The following LAMA2 variants were observed in gnomAD, a reference collection of about 807,000 sequenced individuals.
The protein encoded by LAMA2 is laminin subunit alpha 2.
Under a neutral mutation model 364.8 loss-of-function variants are expected in LAMA2, and 269 were observed. The observed-to-expected ratio is 0.74, with a 90% CI of 0.67 to 0.82. LAMA2 has a LOEUF of 0.82. Among genes scored for constraint, LAMA2 ranks in the 40% least tolerant of loss-of-function variants. The probability of loss-of-function intolerance (pLI) is 0.00; values close to 1 mark genes in which losing one functional copy is unlikely to be tolerated. For synonymous variants in LAMA2, 1,379 were observed against 1,370.6 expected (o/e 1.01, Z -0.14); for missense variants, 3,807 against 3,873.2 (o/e 0.98, Z 0.45).
At chr6:128,925,066 G>A (rs540399494) in intron 1 of LAMA2, among the ~76,000 whole-genome samples, 1 of 152,190 alleles carries the variant, frequency 6.6e-6, no homozygotes, top group Non-Finnish European at 1.5e-5. Flanking sequence ...ATTGTTGATG[G>A]GAATATAAAA....
rs144981981 is a variant in LAMA2 at position 129,204,739 on chromosome 6, A to G, written c.1782+11886A>G. 3.3e-5 allele frequency among the ~76,000 whole-genome samples: 5 copies of G among 152,334 alleles called. No homozygotes were observed. In the East Asian group the frequency reaches 9.7e-4, roughly 29 times the overall value. ...CTAGCAAACCAATACAAATCATAAA[A>G]CATCAATTATTTTTAAAATCTCATA... is the stretch of plus-strand genomic sequence containing the variant. On this transcript the variant is annotated intron_variant, in intron 12 of 64. Coordinates refer to ENST00000421865, the MANE Select transcript of LAMA2 (RefSeq NM_000426.4).
intron 58 of LAMA2, among the ~76,000 whole-genome samples, chr6:129,495,052 A>G (rs1562618362): frequency 1.3e-5 from 2 of 152,208 alleles, no homozygotes; most frequent in Non-Finnish European, 2.9e-5. Flanking sequence ...TCCAATCACC[A>G]TCTTAATGCA....
chr6:129,342,216 TGA>T, intron 29 of LAMA2, 125 bp from the exon 30 acceptor site: 2 of 747,224 alleles, frequency 2.7e-6, no homozygotes, highest in Admixed American at 1.9e-5. Context: ...AGTGTGTGTG[TGA>T]GTGTGTGTGT....
chr6:129,279,339 G>A (rs901241913), intron 17 of LAMA2, among the ~76,000 whole-genome samples: 4 of 152,198 alleles, frequency 2.6e-5, no homozygotes, highest in East Asian at 1.9e-4. Flanking sequence ...TAGCACCTGA[G>A]TTCTCTGTTG....
At chr6:129,112,943 C>A (rs73773679) in intron 4 of LAMA2, among the ~76,000 whole-genome samples, 2 of 151,938 alleles carry the variant, frequency 1.3e-5, no homozygotes, top group Admixed American at 1.3e-4. Context: ...ACATTTTAAA[C>A]ATACACTTAG....
At chr6:129,025,508 A>C (rs9388677) in intron 1 of LAMA2, among the ~76,000 whole-genome samples, 94,522 of 151,982 alleles carry the variant, frequency 0.62, 31,209 homozygotes, top group East Asian at 0.96. Context: ...TCTAGAGGCA[A>C]CTTTTTCATC....
intron 1 of LAMA2, among the ~76,000 whole-genome samples, chr6:129,022,103 G>A (rs909910861): frequency 6.6e-6 from 1 of 152,210 alleles, no homozygotes; most frequent in Non-Finnish European, 1.5e-5. Flanking sequence ...GAGTGGTGAA[G>A]ACTAAGTGGT....
chr6:128,997,281 AAAGAAAGAAAGAGAAAAG>A lies in LAMA2; in HGVS notation c.113-52624_113-52607del, dbSNP rs527567990. 1.4e-3 allele frequency among the ~76,000 whole-genome samples: 209 copies of A among 152,032 alleles called. 3 individuals carry two copies. The highest frequency in any genetic ancestry group is 9.3e-3 in the East Asian group (48 of 5,168). On this transcript the variant is annotated intron_variant, in intron 1 of 64. Transcript: ENST00000421865. ...ACATGTATCCCAGAACTTAAAGTAG[AAAGAAAGAAAGAGAAAAG>A]AAGAAAGAAAGAAACAAAGAGAGAG...
intron 1 of LAMA2, among the ~76,000 whole-genome samples, chr6:128,988,856 G>A (rs1783432298): frequency 6.6e-6 from 1 of 152,174 alleles, no homozygotes; most frequent in South Asian, 2.1e-4. Flanking sequence ...AAATTAATAG[G>A]ATACTGAATA....
In LAMA2 at chr6:129,147,264, C is replaced by CT. The variant is rs10647857; in HGVS notation, c.909+233dup. Among the ~76,000 whole-genome samples, 10,773 of 125,508 alleles carry CT rather than the reference C, an allele frequency of 0.086. 499 individuals are homozygous for CT. The highest frequency in any genetic ancestry group is 0.11 in the African/African-American group (3,981 of 35,000). 82.3% of individuals were successfully genotyped at this position (125,508 alleles called of 152,430 possible). ...GTATAAGAAAACAGATTAGTTTTTC[C>CT]TTTTTTTTTTTTTTTTTCAAAAAGG... On this transcript the variant is annotated intron_variant, in intron 6 of 64. Coordinates refer to ENST00000421865, the MANE Select transcript of LAMA2 (RefSeq NM_000426.4).
chr6:128,946,566 C>T (rs1780497788), intron 1 of LAMA2, among the ~76,000 whole-genome samples: 1 of 152,102 alleles, frequency 6.6e-6, no homozygotes, highest in African/African-American at 2.4e-5. Context: ...TCGAAAAATA[C>T]GAAGTTCAAC....
At chr6:129,224,530 A>G (rs541831558) in intron 12 of LAMA2, among the ~76,000 whole-genome samples, 5 of 152,208 alleles carry the variant, frequency 3.3e-5, no homozygotes, top group Middle Eastern at 3.4e-3. Flanking sequence ...ATCAATACCT[A>G]ATTTATTGAG....
chr6:129,318,787 A>C (rs1724242542), intron 27 of LAMA2, among the ~76,000 whole-genome samples: 1 of 152,236 alleles, frequency 6.6e-6, no homozygotes, highest in Admixed American at 6.5e-5. Flanking sequence ...ATGCATTCAT[A>C]ATTCAGTTTC....
intron 3 of LAMA2, among the ~76,000 whole-genome samples, chr6:129,064,833 C>T (rs1789185296): frequency 6.6e-6 from 1 of 152,140 alleles, no homozygotes; most frequent in Non-Finnish European, 1.5e-5. Context: ...TTCTACCAAA[C>T]ATTTAAGGAA....
intron 4 of LAMA2, among the ~76,000 whole-genome samples, chr6:129,101,442 T>G (rs1583043797): frequency 6.6e-6 from 1 of 152,222 alleles, no homozygotes; most frequent in East Asian, 1.9e-4. Context: ...TTTCCATTGC[T>G]TATGTAGAGA....
intron 1 of LAMA2, among the ~76,000 whole-genome samples, chr6:129,031,395 G>C (rs1395368269): frequency 6.6e-6 from 1 of 152,070 alleles, no homozygotes; most frequent in African/African-American, 2.4e-5. Flanking sequence ...CCAGAAGCTG[G>C]GGGTGGGGGG....
chr6:129,211,006 T>C lies in LAMA2; in HGVS notation c.1782+18153T>C, dbSNP rs1398620374. ...CCTACATTATGTCCCCACGGCCTCA[T>C]CTGTGGTTTCCCCATAAGAAAACTA... On this transcript the variant is annotated intron_variant, in intron 12 of 64. Transcript: ENST00000421865. Among the ~76,000 whole-genome samples the C allele has an allele frequency of 6.6e-5, 10 of 152,158 alleles. 1 individual carries two copies. The highest frequency in any genetic ancestry group is 4.4e-5 in the Non-Finnish European group (3 of 68,032).
chr6:128,987,148 T>TG lies in LAMA2; in HGVS notation c.113-62770_113-62769insG, dbSNP rs1186842598. ...TTTGTTTTTTTTTTTTTGTTTTTTT[T>TG]TTTTTTTTGAGGCAGAGTCTCTCTC... On this transcript the variant is annotated intron_variant, in intron 1 of 64. Coordinates refer to ENST00000421865, the MANE Select transcript of LAMA2 (RefSeq NM_000426.4). Among the ~76,000 whole-genome samples the TG allele has an allele frequency of 6.2e-5, 9 of 145,706 alleles. 1 individual carries two copies. Among genetic ancestry groups the TG allele is most frequent in the Non-Finnish European group, 1.2e-4 (8 of 66,160 alleles).
intron 8 of LAMA2, among the ~76,000 whole-genome samples, chr6:129,156,439 T>A (rs1030199101): frequency 2.6e-5 from 4 of 151,976 alleles, no homozygotes; most frequent in African/African-American, 9.6e-5. Flanking sequence ...GTAAAAAAAA[T>A]TTTTAAATAA....
Sources: gnomAD v4.1 joint callset for allele counts (sites outside exome capture counted in the v4.1 genomes callset) on GRCh38, gnomAD v4.1.1 for gene constraint, MANE v1.5 for transcripts, NCBI Gene and HGNC (gene_info 2026-07-23, HGNC 2026-07-21) for gene names.